SCD5: variants seen among roughly 807,000 people sequenced by gnomAD.
The protein encoded by SCD5 is acyl-CoA-desaturase 4.
SCD5 carries 20 observed loss-of-function variants against 30.4 expected under a neutral mutation model. The ratio of observed to expected loss-of-function variants is 0.66; its 90% CI spans 0.46 to 0.96. The LOEUF (loss-of-function observed/expected upper bound fraction) is 0.96. Ranked by LOEUF, SCD5 falls within the 40% of genes least tolerant of loss-of-function variation. SCD5 has a pLI of 0.00. For synonymous variants in SCD5, 173 were observed against 176.4 expected (o/e 0.98, Z 0.16); for missense variants, 381 against 443.3 (o/e 0.86, Z 1.26).
intron 1 of SCD5, among the ~76,000 whole-genome samples, chr4:82,747,494 C>T (rs1278225007): frequency 1.3e-5 from 2 of 152,236 alleles, no homozygotes; most frequent in Non-Finnish European, 2.9e-5. Flanking sequence ...AACTACTTAA[C>T]TTCTCCAAAC....
intron 1 of SCD5, among the ~76,000 whole-genome samples, chr4:82,780,386 G>A (rs762438741): frequency 1.2e-4 from 18 of 152,142 alleles, no homozygotes; most frequent in African/African-American, 4.1e-4. Context: ...TCTAGATCTC[G>A]TGAGTAGGAA....
At chr4:82,715,773 T>A (rs1369074267) in intron 1 of SCD5, among the ~76,000 whole-genome samples, 2 of 151,698 alleles carry the variant, frequency 1.3e-5, no homozygotes. Context: ...TTAGCTGTCA[T>A]AGGATGATGC....
chr4:82,760,151 AC>A (rs1721327669), intron 1 of SCD5, among the ~76,000 whole-genome samples: 1 of 152,024 alleles, frequency 6.6e-6, no homozygotes, highest in Admixed American at 6.5e-5. Flanking sequence ...AAGAAACCCC[AC>A]GCCTCCTTTG....
chr4:82,683,137 A>G (rs4693486), intron 2 of SCD5, among the ~76,000 whole-genome samples: 15,420 of 152,186 alleles, frequency 0.1, 1,180 homozygotes, highest in East Asian at 0.4. Context: ...AAGAGAGAAA[A>G]CAGGAGCATG....
At position 82,653,701 on chromosome 4, in the gene SCD5, GATAGAT is replaced by G. The variant is rs767367994; in HGVS notation, c.570-16884_570-16879del. 6.4e-4 allele frequency among the ~76,000 whole-genome samples: 78 copies of G among 121,922 alleles called. 1 individual carries two copies. Among genetic ancestry groups the G allele is most frequent in the Non-Finnish European group, 2.3e-4 (13 of 55,698 alleles). 80.0% of individuals were successfully genotyped at this position (121,922 alleles called of 152,430 possible). ...TGATAGATAGATAGATAGATAGATA[GATAGAT>G]ATAGATAGATAGATAGATATAGATA... On this transcript the variant is annotated intron_variant, in intron 3 of 4. Coordinates refer to ENST00000319540, the MANE Select transcript of SCD5 (RefSeq NM_001037582.3).
intron 1 of SCD5, among the ~76,000 whole-genome samples, chr4:82,782,798 G>A (rs79436876): frequency 0.034 from 5,226 of 152,296 alleles, 117 homozygotes; most frequent in African/African-American, 0.052. Flanking sequence ...ACCAACGTGT[G>A]GATTCCTGTG....
At chr4:82,648,059 A>C (rs1272084872) in intron 3 of SCD5, among the ~76,000 whole-genome samples, 1 of 152,226 alleles carries the variant, frequency 6.6e-6, no homozygotes, top group Non-Finnish European at 1.5e-5. Context: ...AGTCCACGAA[A>C]AGAGAGTGTG....
At chr4:82,795,145 A>C (rs1478253880) in intron 1 of SCD5, among the ~76,000 whole-genome samples, 1 of 152,112 alleles carries the variant, frequency 6.6e-6, no homozygotes, top group Admixed American at 6.5e-5. Flanking sequence ...TTTTACCACC[A>C]CACAAATTAC....
intron 3 of SCD5, among the ~76,000 whole-genome samples, chr4:82,672,608 T>G (rs1728352203): frequency 6.6e-6 from 1 of 152,108 alleles, no homozygotes; most frequent in South Asian, 2.1e-4. Context: ...TTCGACCATA[T>G]ATTTAATTCT....
chr4:82,638,419 G>A (rs1336501781), intron 3 of SCD5, among the ~76,000 whole-genome samples: 1 of 152,178 alleles, frequency 6.6e-6, no homozygotes, highest in Non-Finnish European at 1.5e-5. Context: ...ATGACTGCAT[G>A]CATTAATGGA....
Position 82,744,741 on chromosome 4 carries a change from A to G in SCD5, c.233-39328T>C, listed in dbSNP as rs570563042. On this transcript the variant is annotated intron_variant, in intron 1 of 4. Coordinates refer to ENST00000319540, the MANE Select transcript of SCD5 (RefSeq NM_001037582.3). ...CATCAATAACATGCTTGAAGAATTT[A>G]GGTATCACTTGCTAGTCTTCGAGAA... is the stretch of plus-strand genomic sequence containing the variant. 3.3e-5 allele frequency among the ~76,000 whole-genome samples: 5 copies of G among 152,242 alleles called. No homozygotes were observed. The East Asian group carries it at 9.6e-4, about 29-fold the overall frequency.
chr4:82,708,970 T>C (rs1469640222), intron 1 of SCD5, among the ~76,000 whole-genome samples: 2 of 152,100 alleles, frequency 1.3e-5, no homozygotes, highest in Non-Finnish European at 2.9e-5. Flanking sequence ...ACTTTATACA[T>C]AGTAACTCAT....
At chr4:82,663,264 T>C (rs1010747037) in intron 3 of SCD5, among the ~76,000 whole-genome samples, 1 of 152,096 alleles carries the variant, frequency 6.6e-6, no homozygotes, top group Admixed American at 6.6e-5. Flanking sequence ...ACCACACAAG[T>C]AGATAAGAAG....
intron 1 of SCD5, among the ~76,000 whole-genome samples, chr4:82,774,677 C>T (rs918761765): frequency 6.6e-6 from 1 of 152,140 alleles, no homozygotes; most frequent in Admixed American, 6.5e-5. Context: ...CTTCCCCCAC[C>T]CTTTGCTCCT....
intron 1 of SCD5, among the ~76,000 whole-genome samples, chr4:82,777,467 T>C (rs1391481068): frequency 1.3e-5 from 2 of 152,212 alleles, no homozygotes; most frequent in Non-Finnish European, 2.9e-5. Context: ...AAAACATTCA[T>C]GACATCAGAG....
At chr4:82,660,377 T>C in intron 3 of SCD5, 1 of 768,584 alleles carries the variant, frequency 1.3e-6, no homozygotes, top group African/African-American at 1.9e-5. Context: ...ACTTATGTTT[T>C]TATTTATAGA....
chr4:82,795,910 A>G (rs1284351593), intron 1 of SCD5, among the ~76,000 whole-genome samples: 1 of 150,812 alleles, frequency 6.6e-6, no homozygotes, highest in Admixed American at 6.6e-5. Flanking sequence ...TTTGGACCTT[A>G]AAACTCTAAT....
intron 1 of SCD5, among the ~76,000 whole-genome samples, chr4:82,718,495 G>A (rs1406173376): frequency 6.6e-6 from 1 of 151,664 alleles, no homozygotes; most frequent in African/African-American, 2.4e-5. Flanking sequence ...CCTCTATCTG[G>A]CAGCCACAGG....
intron 2 of SCD5, among the ~76,000 whole-genome samples, chr4:82,685,084 G>A (rs1351588845): frequency 6.6e-6 from 1 of 152,134 alleles, no homozygotes; most frequent in African/African-American, 2.4e-5. Flanking sequence ...GTCTTACTCT[G>A]CAATCCATTA....
Sources: gnomAD v4.1 joint callset for allele counts (sites outside exome capture counted in the v4.1 genomes callset) on GRCh38, gnomAD v4.1.1 for gene constraint, MANE v1.5 for transcripts, NCBI Gene and HGNC (gene_info 2026-07-23, HGNC 2026-07-21) for gene names.